SAE1: variants seen among roughly 807,000 people sequenced by gnomAD.
SAE1 encodes SUMO-activating enzyme subunit 1.
SAE1 carries 11 observed loss-of-function variants against 40.6 expected under a neutral mutation model. That is an observed-to-expected ratio of 0.27 (90% CI 0.17 to 0.45). The LOEUF (loss-of-function observed/expected upper bound fraction) is 0.45, where lower values mean the gene tolerates loss of function less well. Ranked by LOEUF, SAE1 falls within the 20% of genes least tolerant of loss-of-function variation. The probability of loss-of-function intolerance (pLI) is 1.00; values close to 1 mark genes in which losing one functional copy is unlikely to be tolerated. For synonymous variants in SAE1, 155 were observed against 154.3 expected (o/e 1.00, Z -0.03); for missense variants, 373 against 427.3 (o/e 0.87, Z 1.12).
intron 1 of SAE1, among the ~76,000 whole-genome samples, chr19:47,135,868 G>T (rs1207010346): frequency 6.6e-6 from 1 of 151,816 alleles, no homozygotes; most frequent in East Asian, 1.9e-4. Context: ...CAGTGGCGCA[G>T]TCTTGGTTCA....
At chr19:47,208,854 T>C (rs1376506909) in intron 8 of SAE1, among the ~76,000 whole-genome samples, 2 of 152,240 alleles carry the variant, frequency 1.3e-5, no homozygotes, top group Non-Finnish European at 2.9e-5. Flanking sequence ...TGCCTGGCCC[T>C]GGCCTGTTTT....
At chr19:47,191,549 C>T (rs1036461843) in intron 6 of SAE1, among the ~76,000 whole-genome samples, 1 of 152,156 alleles carries the variant, frequency 6.6e-6, no homozygotes, top group Non-Finnish European at 1.5e-5. Context: ...AGTCTGAGGC[C>T]TTGCAGCAGT....
chr19:47,157,044 C>G (rs765971809), intron 5 of SAE1, among the ~76,000 whole-genome samples: 1 of 152,090 alleles, frequency 6.6e-6, no homozygotes, highest in East Asian at 1.9e-4. Flanking sequence ...ATTACGCTAA[C>G]GAGGGGATTC....
chr19:47,173,221 A>G (rs1423036137), intron 6 of SAE1, among the ~76,000 whole-genome samples: 1 of 151,980 alleles, frequency 6.6e-6, no homozygotes, highest in Admixed American at 6.6e-5. Flanking sequence ...CTGGTCTCGA[A>G]CTCTTGACCT....
chr19:47,160,123 G>A (rs2058349738), intron 5 of SAE1, among the ~76,000 whole-genome samples: 1 of 151,494 alleles, frequency 6.6e-6, no homozygotes, highest in Admixed American at 6.6e-5. Flanking sequence ...GAATACCAAA[G>A]AAGACAATAG....
intron 8 of SAE1, among the ~76,000 whole-genome samples, chr19:47,208,362 C>T (rs568514603): frequency 8.5e-4 from 129 of 152,016 alleles, no homozygotes; most frequent in African/African-American, 3.1e-3. Flanking sequence ...CAGGCTCAAG[C>T]GATCCTCCCA....
chr19:47,172,319 C>G (rs2058439676), intron 6 of SAE1, among the ~76,000 whole-genome samples: 1 of 152,186 alleles, frequency 6.6e-6, no homozygotes, highest in Non-Finnish European at 1.5e-5. Flanking sequence ...CAGAAAATGC[C>G]TCCTCTTGAT....
chr19:47,163,894 C>T (rs187594805), intron 5 of SAE1, among the ~76,000 whole-genome samples: 4 of 151,712 alleles, frequency 2.6e-5, no homozygotes, highest in African/African-American at 9.7e-5. Context: ...CTCAGCCTCC[C>T]GAGTAGCTGG....
At chr19:47,160,562 T>A (rs920605956) in intron 5 of SAE1, among the ~76,000 whole-genome samples, 1 of 151,832 alleles carries the variant, frequency 6.6e-6, no homozygotes, top group South Asian at 2.1e-4. Flanking sequence ...GCCCGACTAA[T>A]TTTTTTGTAT....
chr19:47,169,219 AGTAT>A (rs2058415306), intron 5 of SAE1, among the ~76,000 whole-genome samples: 1 of 152,164 alleles, frequency 6.6e-6, no homozygotes, highest in Non-Finnish European at 1.5e-5. Context: ...GTATTCCTGT[AGTAT>A]GAATACAGCC....
chr19:47,163,588 A>G (rs1398068170), intron 5 of SAE1, among the ~76,000 whole-genome samples: 1 of 152,158 alleles, frequency 6.6e-6, no homozygotes, highest in Admixed American at 6.5e-5. Flanking sequence ...TTAGCTGGGC[A>G]TGGTGGCTCA....
At chr19:47,146,502 T>C (rs941027500) in intron 2 of SAE1, among the ~76,000 whole-genome samples, 8 of 152,068 alleles carry the variant, frequency 5.3e-5, no homozygotes. Context: ...GAGGTCTGTG[T>C]ATGGGAGCTT....
chr19:47,167,958 C>T (rs1486565625), intron 5 of SAE1, among the ~76,000 whole-genome samples: 3 of 152,158 alleles, frequency 2.0e-5, no homozygotes, highest in South Asian at 2.1e-4. Flanking sequence ...TTTGGGAGAC[C>T]GAGGCAGGCA....
intron 5 of SAE1, among the ~76,000 whole-genome samples, chr19:47,157,494 C>A (rs1361869668): frequency 6.6e-6 from 1 of 152,200 alleles, no homozygotes; most frequent in Non-Finnish European, 1.5e-5. Flanking sequence ...GCAGGTCTTT[C>A]ACATTCAAAT....
chr19:47,135,983 T>C (rs923698717), intron 1 of SAE1, among the ~76,000 whole-genome samples: 6 of 151,500 alleles, frequency 4.0e-5, no homozygotes, highest in African/African-American at 1.5e-4. Flanking sequence ...TCTGTATTTT[T>C]AGTAGAGACG....
At chr19:47,168,083 C>G (rs1375813556) in intron 5 of SAE1, among the ~76,000 whole-genome samples, 2 of 152,086 alleles carry the variant, frequency 1.3e-5, no homozygotes, top group Admixed American at 1.3e-4. Flanking sequence ...ATCCCAGCTA[C>G]TGGGGGCGCT....
At chr19:47,160,177 A>G (rs1311658781) in intron 5 of SAE1, among the ~76,000 whole-genome samples, 1 of 146,540 alleles carries the variant, frequency 6.8e-6, no homozygotes, top group East Asian at 2.0e-4. Flanking sequence ...AGTTGCCTGG[A>G]TTGGAACCCT....
chr19:47,142,965 T>G (rs894954192), intron 1 of SAE1, among the ~76,000 whole-genome samples: 2 of 152,232 alleles, frequency 1.3e-5, no homozygotes, highest in Admixed American at 6.5e-5. Context: ...TTCACCGCCT[T>G]ATTTCCACAC....
chr19:47,194,394 A>T (rs954679025), intron 6 of SAE1, among the ~76,000 whole-genome samples: 10 of 152,188 alleles, frequency 6.6e-5, no homozygotes, highest in African/African-American at 2.4e-4. Flanking sequence ...CTTAATTTTT[A>T]TGTAGGAACC....
Sources: allele counts gnomAD v4.1 joint callset (sites outside exome capture counted in the v4.1 genomes callset), GRCh38; gene constraint gnomAD v4.1.1; transcripts MANE v1.5; gene names NCBI Gene and HGNC (gene_info 2026-07-23, HGNC 2026-07-21).